The following KIAA1217 variants were observed in gnomAD, a reference collection of about 807,000 sequenced individuals.
The protein encoded by KIAA1217 is sickle tail protein homolog.
A neutral mutation model predicts 163.9 loss-of-function variants in KIAA1217; 88 were observed. That is an observed-to-expected ratio of 0.54 (90% CI 0.45 to 0.64). The LOEUF (loss-of-function observed/expected upper bound fraction) is 0.64, where lower values mean the gene tolerates loss of function less well. Ranked by LOEUF, KIAA1217 falls within the 30% of genes least tolerant of loss-of-function variation. The pLI, the probability that KIAA1217 is intolerant of heterozygous loss-of-function variation, is 0.00. For missense variants in KIAA1217, 2,372 were observed against 2,475.0 expected, an observed-to-expected ratio of 0.96 and a Z score of 0.88; for synonymous variants, 903 against 923.1, an observed-to-expected ratio of 0.98 and a Z score of 0.39.
intron 2 of KIAA1217, among the ~76,000 whole-genome samples, chr10:24,183,526 G>T (rs1435118187): frequency 6.6e-6 from 1 of 152,192 alleles, no homozygotes; most frequent in Non-Finnish European, 1.5e-5. Flanking sequence ...ATCATTATTT[G>T]CTGCGTTTTG....
intron 1 of KIAA1217, among the ~76,000 whole-genome samples, chr10:23,966,107 G>T (rs1284294636): frequency 6.6e-6 from 1 of 152,128 alleles, no homozygotes; most frequent in Non-Finnish European, 1.5e-5. Flanking sequence ...GTCTCACTGA[G>T]CCCTGTGCTT....
chr10:24,106,364 ATCT>A (rs1479925933), intron 2 of KIAA1217, among the ~76,000 whole-genome samples: 3 of 151,976 alleles, frequency 2.0e-5, no homozygotes, highest in Admixed American at 6.6e-5. Flanking sequence ...GGGTAAGAAC[ATCT>A]TCTTCCTGTT....
intron 2 of KIAA1217, among the ~76,000 whole-genome samples, chr10:24,009,353 T>C (rs772577680): frequency 5.3e-5 from 8 of 151,954 alleles, no homozygotes; most frequent in Non-Finnish European, 1.0e-4. Context: ...AGAGAGCCTT[T>C]GATAAGCAGA....
At chr10:24,051,742 G>T (rs990134299) in intron 2 of KIAA1217, among the ~76,000 whole-genome samples, 5 of 152,032 alleles carry the variant, frequency 3.3e-5, no homozygotes, top group African/African-American at 1.2e-4. Context: ...TTGGTTATTT[G>T]TATATCTTCT....
chr10:23,832,813 G>T (rs1838272861), intron 1 of KIAA1217, among the ~76,000 whole-genome samples: 3 of 152,136 alleles, frequency 2.0e-5, no homozygotes, highest in African/African-American at 7.2e-5. Flanking sequence ...AAAAGAAAGA[G>T]GTTTAATGGA....
At chr10:24,078,168 A>C (rs938903080) in intron 2 of KIAA1217, among the ~76,000 whole-genome samples, 11 of 152,196 alleles carry the variant, frequency 7.2e-5, no homozygotes, top group African/African-American at 2.4e-4. Context: ...AAAACTAGTA[A>C]TAAAAACACT....
chr10:24,384,926 T>G (rs962016480), intron 3 of KIAA1217, among the ~76,000 whole-genome samples: 10 of 152,202 alleles, frequency 6.6e-5, no homozygotes, highest in Non-Finnish European at 1.5e-4. Flanking sequence ...GTATGCGTCT[T>G]GTTGACCTCA....
At chr10:24,106,496 G>A (rs192474265) in intron 2 of KIAA1217, among the ~76,000 whole-genome samples, 14 of 151,582 alleles carry the variant, frequency 9.2e-5, no homozygotes, top group Non-Finnish European at 1.3e-4. Flanking sequence ...AAAGCCTGTA[G>A]GGGACTTGGT....
chr10:24,521,639 C>G (rs2071302343), intron 11 of KIAA1217, 143 bp from the exon 12 acceptor site: 8 of 958,176 alleles, frequency 8.3e-6, no homozygotes, highest in African/African-American at 1.6e-5. Context: ...CCTCTGTGCT[C>G]TTAACCCACT....
intron 2 of KIAA1217, among the ~76,000 whole-genome samples, chr10:24,237,155 A>G (rs1209291563): frequency 1.3e-5 from 2 of 152,234 alleles, no homozygotes. Context: ...ATTAAGGCTT[A>G]GTGAGATGTT....
chr10:24,338,087 G>A (rs2046624071), intron 2 of KIAA1217, among the ~76,000 whole-genome samples: 1 of 152,200 alleles, frequency 6.6e-6, no homozygotes, highest in East Asian at 1.9e-4. Context: ...AATGCAGCAT[G>A]AGTCTCAATG....
intron 5 of KIAA1217, among the ~76,000 whole-genome samples, chr10:24,451,961 C>T (rs890161738): frequency 3.9e-5 from 6 of 152,118 alleles, no homozygotes; most frequent in Admixed American, 1.3e-4. Context: ...TCAGCCTAGG[C>T]GCCCCGAGTC....
At position 24,473,812 on chromosome 10, in the gene KIAA1217, A is replaced by C. The variant is rs199994518; in HGVS notation, c.1431A>C (p.Arg477Ser). 2.0e-5 allele frequency: 33 copies of C among 1,614,042 alleles called. No individual in the cohort carries two copies. The highest frequency in any genetic ancestry group is 2.7e-5 in the Non-Finnish European group (32 of 1,180,026). ...GSKTPPASPH[R>S]VSDLRMIDMH... is the part of the protein sequence containing the mutation. The stretch of plus-strand genomic sequence containing the variant: ...AAACACCCCCTGCCTCTCCTCACAG[A>C]GTCAGTGACCTGAGGATGATAGACA... Residue 477 changes from arginine (R) to serine (S), a missense_variant, in exon 6 of 21, where the codon AGA becomes AGC. Physicochemically the swap from Arg to Ser is moderately radical, Grantham distance 110 (BLOSUM62 -1). Coordinates refer to ENST00000376454, the MANE Select transcript of KIAA1217 (RefSeq NM_019590.5).
At chr10:23,905,711 A>G (rs964815212) in intron 1 of KIAA1217, among the ~76,000 whole-genome samples, 1 of 152,116 alleles carries the variant, frequency 6.6e-6, no homozygotes, top group Non-Finnish European at 1.5e-5. Flanking sequence ...AGAGGAGTTG[A>G]GGACTATATC....
intron 1 of KIAA1217, among the ~76,000 whole-genome samples, chr10:23,707,255 A>G (rs573197205): frequency 2.0e-5 from 3 of 152,106 alleles, no homozygotes; most frequent in Non-Finnish European, 4.4e-5. Context: ...TGGCGGTGGG[A>G]ATAACATACC....
intron 1 of KIAA1217, among the ~76,000 whole-genome samples, chr10:23,994,744 G>A (rs973786039): frequency 6.6e-6 from 1 of 152,124 alleles, no homozygotes; most frequent in African/African-American, 2.4e-5. Flanking sequence ...TCCTTGAACC[G>A]GAGCTTCATT....
At position 23,995,474 on chromosome 10, in the gene KIAA1217, G is replaced by C. The variant is rs986785169; in HGVS notation, c.-320-11751G>C. Among the ~76,000 whole-genome samples, 3 of 151,914 alleles carry C rather than the reference G, an allele frequency of 2.0e-5. No homozygotes were observed. In the East Asian group the frequency reaches 5.8e-4, roughly 29 times the overall value. ...CCTGTGTGTGTGTGTGTGTGTGTGT[G>C]TGTGTGTGAGTGTGTGTGTTGTGTC... On this transcript the variant is annotated intron_variant, in intron 1 of 18. Transcript: ENST00000376462.
chr10:24,057,775 G>C (rs552078163), intron 2 of KIAA1217, among the ~76,000 whole-genome samples: 1 of 152,064 alleles, frequency 6.6e-6, no homozygotes, highest in East Asian at 1.9e-4. Flanking sequence ...TTAAACCGTA[G>C]GTGTTCCTTA....
chr10:24,057,167 A>G (rs1331261478), intron 2 of KIAA1217, among the ~76,000 whole-genome samples: 1 of 152,210 alleles, frequency 6.6e-6, no homozygotes, highest in African/African-American at 2.4e-5. Flanking sequence ...GGATTGCTTG[A>G]GTCCAAGAGG....
Sources: gnomAD v4.1 joint callset for allele counts (sites outside exome capture counted in the v4.1 genomes callset) on GRCh38, gnomAD v4.1.1 for gene constraint, MANE v1.5 for transcripts, NCBI Gene and HGNC (gene_info 2026-07-23, HGNC 2026-07-21) for gene names.